UBR1: variants seen among roughly 807,000 people sequenced by gnomAD.
The protein encoded by UBR1 is ubiquitin protein ligase E3 component n-recognin 1.
In UBR1, 102 loss-of-function variants were observed where a neutral mutation model predicts 242.1. The observed-to-expected ratio is 0.42, with a 90% CI of 0.36 to 0.50. The LOEUF (loss-of-function observed/expected upper bound fraction) is 0.50. UBR1 is among the 20% of genes least tolerant of loss of function. The pLI, the probability that UBR1 is intolerant of heterozygous loss-of-function variation, is 0.01. For missense variants in UBR1, 1,772 were observed against 2,101.8 expected (o/e 0.84, Z 3.07); for synonymous variants, 675 against 684.8 (o/e 0.99, Z 0.22).
rs753370264 is a variant in UBR1, at chr15:42,943,023, A to G, written c.*2306T>C. 2.0e-5 allele frequency: 3 copies of G among 152,662 alleles called. No individual in the cohort carries two copies. The highest frequency in any genetic ancestry group is 2.9e-5 in the Non-Finnish European group (2 of 68,044). The allele number at this position is 152,662 out of a possible 1,614,324, so 9.5% of individuals were successfully genotyped here. Reference sequence around the variant, plus strand: ...CATTATTTGTATAACTTCATCATGGATGGAATTTGAATCAGTGGTATAAAC... The same window carrying G: ...CATTATTTGTATAACTTCATCATGGGTGGAATTTGAATCAGTGGTATAAAC... On this transcript the variant is annotated 3_prime_UTR_variant, in exon 47 of 47. Transcript: ENST00000290650.
intron 12 of UBR1, among the ~76,000 whole-genome samples, chr15:43,050,817 A>C (rs28845921): frequency 0.069 from 10,507 of 152,198 alleles, 560 homozygotes; most frequent in African/African-American, 0.15. Flanking sequence ...CAACAATTAC[A>C]TGAAATAAAG....
intron 25 of UBR1, 144 bp downstream of exon 25, chr15:43,024,685 T>A: frequency 9.0e-7 from 1 of 1,111,718 alleles, no homozygotes; most frequent in Non-Finnish European, 1.3e-6. Flanking sequence ...AAAAAAAATT[T>A]GTGCTGTGTG....
At chr15:43,051,019 A>G (rs1416082525) in intron 12 of UBR1, among the ~76,000 whole-genome samples, 1 of 152,252 alleles carries the variant, frequency 6.6e-6, no homozygotes, top group East Asian at 1.9e-4. Flanking sequence ...CAGTGTGACA[A>G]TTCCTTGAAG....
intron 29 of UBR1, among the ~76,000 whole-genome samples, chr15:43,007,640 G>C (rs1359653404): frequency 6.6e-6 from 1 of 151,182 alleles, no homozygotes; most frequent in Admixed American, 6.6e-5. Context: ...GTATAAAAAA[G>C]TGTTATATTC....
intron 1 of UBR1, among the ~76,000 whole-genome samples, chr15:43,096,608 G>T (rs566984999): frequency 6.6e-6 from 1 of 152,276 alleles, no homozygotes; most frequent in East Asian, 1.9e-4. Flanking sequence ...CTCTGCGGCT[G>T]CTTTATCAAC....
At chr15:42,983,064 T>G (rs571147836) in intron 37 of UBR1, among the ~76,000 whole-genome samples, 7 of 152,186 alleles carry the variant, frequency 4.6e-5, no homozygotes, top group Non-Finnish European at 1.0e-4. Flanking sequence ...CCATATGAAC[T>G]CTTAGTAAAT....
chr15:42,994,953 C>T, intron 33 of UBR1, among the ~76,000 whole-genome samples: 1 of 152,166 alleles, frequency 6.6e-6, no homozygotes, highest in African/African-American at 2.4e-5. Flanking sequence ...TTAATCATTC[C>T]ATGATTTCTT....
At chr15:43,094,990 A>T (rs1333983418) in intron 1 of UBR1, among the ~76,000 whole-genome samples, 2 of 152,076 alleles carry the variant, frequency 1.3e-5, no homozygotes, top group African/African-American at 4.8e-5. Context: ...TCTCTTTTTC[A>T]TCTCTGTCAT....
intron 27 of UBR1, among the ~76,000 whole-genome samples, chr15:43,020,053 T>C (rs1285706804): frequency 1.3e-5 from 2 of 151,952 alleles, no homozygotes; most frequent in African/African-American, 4.8e-5. Flanking sequence ...GATTTCCTTT[T>C]TTCTGAGACA....
At position 43,081,372 on chromosome 15, in the gene UBR1, G is replaced by A. The variant is rs1037843200; in HGVS notation, c.417+1266C>T. On this transcript the variant is annotated intron_variant, in intron 3 of 46. Coordinates refer to ENST00000290650, the MANE Select transcript of UBR1 (RefSeq NM_174916.3). ...GCGGACGTTGTGGTGAGCCGAGATC[G>A]CACCATTGCACTCTAGCCTGGGAAA... Among the ~76,000 whole-genome samples, 9 of 134,628 alleles carry A rather than the reference G, an allele frequency of 6.7e-5. No individual in the cohort carries two copies. In the Admixed American group the frequency reaches 8.0e-4, roughly 12 times the overall value. 88.3% of individuals were successfully genotyped at this position (134,628 alleles called of 152,430 possible). A position where few individuals can be genotyped will look rare whatever the true frequency, so the allele number is the denominator to read the frequency against.
intron 40 of UBR1, among the ~76,000 whole-genome samples, chr15:42,968,285 C>T (rs1261358218): frequency 6.6e-6 from 1 of 152,054 alleles, no homozygotes; most frequent in African/African-American, 2.4e-5. Flanking sequence ...GTTATTCCAA[C>T]CTACTATCTT....
chr15:43,057,103 G>A (rs770687148), intron 10 of UBR1, among the ~76,000 whole-genome samples: 14 of 152,126 alleles, frequency 9.2e-5, no homozygotes, highest in Non-Finnish European at 1.3e-4. Context: ...TAACCATGGT[G>A]TACAAAAAAA....
chr15:43,075,185 T>G, intron 3 of UBR1, 96 bp from the exon 4 acceptor site: 1 of 980,450 alleles, frequency 1.0e-6, no homozygotes, highest in Non-Finnish European at 1.7e-6. Flanking sequence ...TCACCAATAC[T>G]CCAACCTTAA....
At chr15:43,020,981 A>G in intron 27 of UBR1, 1 of 321,094 alleles carries the variant, frequency 3.1e-6, no homozygotes. Flanking sequence ...TATATGTTCC[A>G]TGATAGTAAG....
chr15:43,063,587 T>G (rs530211678), intron 6 of UBR1, among the ~76,000 whole-genome samples: 1 of 152,220 alleles, frequency 6.6e-6, no homozygotes, highest in African/African-American at 2.4e-5. Flanking sequence ...GTGAATCACC[T>G]GAGCCCAGGA....
At chr15:43,045,793 C>T (rs1045044374) in intron 14 of UBR1, among the ~76,000 whole-genome samples, 1 of 152,112 alleles carries the variant, frequency 6.6e-6, no homozygotes, top group Non-Finnish European at 1.5e-5. Context: ...GGGAATGTCT[C>T]GTTTAGCAGG....
chr15:43,061,002 A>G (rs1463179491), intron 6 of UBR1, among the ~76,000 whole-genome samples: 2 of 152,002 alleles, frequency 1.3e-5, no homozygotes, highest in African/African-American at 2.4e-5. Flanking sequence ...AACAGATTGG[A>G]CAAGAATAGT....
intron 12 of UBR1, among the ~76,000 whole-genome samples, chr15:43,050,958 T>C (rs1201827882): frequency 6.6e-6 from 1 of 152,180 alleles, no homozygotes; most frequent in African/African-American, 2.4e-5. Context: ...GAAAAATGAA[T>C]GCTCATACAC....
At chr15:42,947,969 A>G (rs2141246961) in intron 46 of UBR1, among the ~76,000 whole-genome samples, 1 of 152,322 alleles carries the variant, frequency 6.6e-6, no homozygotes, top group Non-Finnish European at 1.5e-5. Context: ...AAGAGCCTGC[A>G]TTGCCAAGTC....
Sources: gnomAD v4.1 joint callset for allele counts (sites outside exome capture counted in the v4.1 genomes callset) on GRCh38, gnomAD v4.1.1 for gene constraint, MANE v1.5 for transcripts, NCBI Gene and HGNC (gene_info 2026-07-23, HGNC 2026-07-21) for gene names.